DOK5: variants seen among roughly 807,000 people sequenced by gnomAD.
DOK5 encodes the protein downstream of tyrosine kinase 5.
Under a neutral mutation model 43.3 loss-of-function variants are expected in DOK5, and 27 were observed. The ratio of observed to expected loss-of-function variants is 0.62; its 90% CI spans 0.46 to 0.86. The LOEUF is 0.86. Ranked by LOEUF, DOK5 falls within the 40% of genes least tolerant of loss-of-function variation. DOK5 has a pLI of 0.00. For synonymous variants in DOK5, 146 were observed against 140.1 expected (o/e 1.04, Z -0.30); for missense variants, 373 against 392.9 (o/e 0.95, Z 0.43).
chr20:54,541,313 C>T (rs964811361), intron 1 of DOK5, among the ~76,000 whole-genome samples: 4 of 152,196 alleles, frequency 2.6e-5, no homozygotes, highest in Admixed American at 6.5e-5. Flanking sequence ...ACTGGTTCCC[C>T]GACCTGCGCC....
At chr20:54,498,838 G>A (rs1171502845) in intron 1 of DOK5, among the ~76,000 whole-genome samples, 2 of 152,130 alleles carry the variant, frequency 1.3e-5, no homozygotes, top group African/African-American at 4.8e-5. Context: ...CTCCCCTGTG[G>A]AAGAATAAAG....
intron 1 of DOK5, among the ~76,000 whole-genome samples, chr20:54,515,922 C>A (rs941902150): frequency 1.7e-4 from 26 of 152,180 alleles, no homozygotes; most frequent in African/African-American, 5.1e-4. Flanking sequence ...TGTGATGCTG[C>A]AGTAATTGGG....
At position 54,647,378 on chromosome 20, in the gene DOK5, G is replaced by A. The variant is rs376741694; in HGVS notation, c.857-3037G>A. Among the ~76,000 whole-genome samples, 26 of 152,030 alleles carry A rather than the reference G, an allele frequency of 1.7e-4. No individual in the cohort carries two copies. In the East Asian group the frequency reaches 4.1e-3, roughly 24 times the overall value. ...AAATTAGCTGGGCATGGTGGCGGGC[G>A]CCTGTAATTCCAGCTACTCGGAAAG... On this transcript the variant is annotated intron_variant, in intron 7 of 7. Transcript: ENST00000262593.
chr20:54,539,978 C>A (rs1475841975), intron 1 of DOK5, among the ~76,000 whole-genome samples: 2 of 152,118 alleles, frequency 1.3e-5, no homozygotes, highest in South Asian at 4.2e-4. Flanking sequence ...GAATATAACA[C>A]TTTGGAGGCT....
intron 1 of DOK5, among the ~76,000 whole-genome samples, chr20:54,492,686 T>TTG (rs34741362): frequency 0.14 from 19,810 of 141,058 alleles, 1,391 homozygotes; most frequent in African/African-American, 0.2. Flanking sequence ...GAGTGTGGCT[T>TTG]TGTGTGTGTG....
intron 7 of DOK5, among the ~76,000 whole-genome samples, chr20:54,648,555 A>G (rs897277425): frequency 6.6e-6 from 1 of 152,106 alleles, no homozygotes; most frequent in African/African-American, 2.4e-5. Flanking sequence ...CATTCTCCAT[A>G]GAGAGGTCAG....
chr20:54,609,805 A>C (rs1381641172), intron 5 of DOK5, among the ~76,000 whole-genome samples: 1 of 152,188 alleles, frequency 6.6e-6, no homozygotes, highest in East Asian at 1.9e-4. Context: ...AATGTTCCAA[A>C]TATTAATTCA....
rs191545208 is a variant in DOK5 at position 54,504,752 on chromosome 20, C to G, written c.66+28740C>G. Among the ~76,000 whole-genome samples, 16 of 152,264 alleles carry G rather than the reference C, an allele frequency of 1.1e-4. No individual in the cohort carries two copies. In the East Asian group the frequency reaches 3.1e-3, roughly 29 times the overall value. ...ATTTTATTTATCTGTAGACAGAGCT[C>G]TTTGAAGACCTGTCATGGGCACACA... On this transcript the variant is annotated intron_variant, in intron 1 of 7. Transcript: ENST00000262593.
intron 2 of DOK5, among the ~76,000 whole-genome samples, chr20:54,562,159 T>C (rs1984930034): frequency 6.6e-6 from 1 of 152,220 alleles, no homozygotes; most frequent in Admixed American, 6.5e-5. Context: ...CATCTTTGTA[T>C]CTATCTTTCC....
At chr20:54,590,605 A>G (rs1269821175) in intron 4 of DOK5, among the ~76,000 whole-genome samples, 1 of 152,188 alleles carries the variant, frequency 6.6e-6, no homozygotes, top group Non-Finnish European at 1.5e-5. Context: ...TGAAATAATT[A>G]AAAATTTTTG....
At chr20:54,644,580 C>T (rs945230587) in intron 7 of DOK5, among the ~76,000 whole-genome samples, 2 of 152,014 alleles carry the variant, frequency 1.3e-5, no homozygotes, top group Non-Finnish European at 2.9e-5. Context: ...GTGGCGGGCG[C>T]CTGTAGTCCC....
intron 6 of DOK5, among the ~76,000 whole-genome samples, chr20:54,641,470 C>CT (rs11481633): frequency 0.029 from 4,340 of 151,236 alleles, 228 homozygotes; most frequent in African/African-American, 0.1. Context: ...ACAGTGGAGA[C>CT]TTTTTTTTCT....
At position 54,542,268 on chromosome 20, in the gene DOK5, T is replaced by C. The variant is rs566047673; in HGVS notation, c.67-12665T>C. Among the ~76,000 whole-genome samples, 576 of 152,300 alleles carry C rather than the reference T, an allele frequency of 3.8e-3. 7 individuals carry two copies. The highest frequency in any genetic ancestry group is 6.6e-3 in the Non-Finnish European group (450 of 68,032). Reference sequence around the variant, plus strand: ...TGGCACATGGTAGGCACCTGATAAATATTTGTTGAATGAATTAAAGAATGA... The same window carrying C: ...TGGCACATGGTAGGCACCTGATAAACATTTGTTGAATGAATTAAAGAATGA... On this transcript the variant is annotated intron_variant, in intron 1 of 7. Coordinates refer to ENST00000262593, the MANE Select transcript of DOK5 (RefSeq NM_018431.5).
intron 6 of DOK5, among the ~76,000 whole-genome samples, chr20:54,628,973 C>T (rs1318703182): frequency 6.6e-6 from 1 of 152,100 alleles, no homozygotes; most frequent in Non-Finnish European, 1.5e-5. Flanking sequence ...TGTAGAAATG[C>T]AGGGAACATT....
chr20:54,636,661 C>T (rs1333980565), intron 6 of DOK5, among the ~76,000 whole-genome samples: 1 of 152,208 alleles, frequency 6.6e-6, no homozygotes, highest in Non-Finnish European at 1.5e-5. Flanking sequence ...AAACTCCTGA[C>T]CTCTGAGCCT....
At chr20:54,551,479 G>C (rs1400542911) in intron 1 of DOK5, among the ~76,000 whole-genome samples, 2 of 152,154 alleles carry the variant, frequency 1.3e-5, no homozygotes, top group African/African-American at 2.4e-5. Context: ...TCTCCAGACT[G>C]TGATCTCATG....
chr20:54,484,891 G>C (rs1196243663), intron 1 of DOK5, among the ~76,000 whole-genome samples: 2 of 152,140 alleles, frequency 1.3e-5, no homozygotes, highest in African/African-American at 4.8e-5. Flanking sequence ...GGTGGTACAC[G>C]CCTGTAGTGC....
intron 6 of DOK5, among the ~76,000 whole-genome samples, chr20:54,617,092 G>A (rs748489156): frequency 1.3e-5 from 2 of 152,004 alleles, no homozygotes; most frequent in Admixed American, 6.6e-5. Flanking sequence ...GCCCAGCCAA[G>A]GATCCACTTT....
At chr20:54,501,416 G>A (rs1211417349) in intron 1 of DOK5, among the ~76,000 whole-genome samples, 1 of 138,920 alleles carries the variant, frequency 7.2e-6, no homozygotes, top group Non-Finnish European at 1.5e-5. Context: ...GCAGTGAGCC[G>A]AGATTGCGGC....
Sources: allele counts gnomAD v4.1 joint callset (sites outside exome capture counted in the v4.1 genomes callset), GRCh38; gene constraint gnomAD v4.1.1; transcripts MANE v1.5; gene names NCBI Gene and HGNC (gene_info 2026-07-23, HGNC 2026-07-21).